Variants in LHPP observed in about 807,000 individuals in gnomAD.
LHPP encodes the protein phospholysine phosphohistidine inorganic pyrophosphate phosphatase.
LHPP carries 24 observed loss-of-function variants against 30.3 expected under a neutral mutation model. That is an observed-to-expected ratio of 0.79 (90% CI 0.57 to 1.11). The LOEUF (loss-of-function observed/expected upper bound fraction) is 1.11. LHPP is among the 50% of genes most tolerant of loss of function. The pLI is 0.00. For synonymous variants in LHPP, 150 were observed against 157.1 expected (o/e 0.95, Z 0.34); for missense variants, 356 against 367.2 (o/e 0.97, Z 0.25).
intron 6 of LHPP, among the ~76,000 whole-genome samples, chr10:124,518,224 G>C (rs534827644): frequency 3.2e-4 from 49 of 152,312 alleles, no homozygotes; most frequent in African/African-American, 1.0e-3. Flanking sequence ...ACCCTCCCAG[G>C]CTTCCCCCGA....
chr10:124,506,286 C>G (rs534665411), intron 5 of LHPP, among the ~76,000 whole-genome samples: 106 of 130,682 alleles, frequency 8.1e-4, no homozygotes, highest in Non-Finnish European at 1.1e-3. Context: ...CCCGCGGTTT[C>G]TCAACCTCGA....
intron 6 of LHPP, among the ~76,000 whole-genome samples, chr10:124,539,922 A>T (rs1955140004): frequency 6.6e-6 from 1 of 152,214 alleles, no homozygotes; most frequent in African/African-American, 2.4e-5. Context: ...AATAGACATA[A>T]TAAGAGTACC....
In LHPP at chr10:124,498,054, G is replaced by A. The variant is rs767342267; in HGVS notation, c.550G>A (p.Ala184Thr). 1.2e-6 allele frequency: 2 copies of A among 1,614,128 alleles called. No individual in the cohort carries two copies. The highest frequency in any genetic ancestry group is 1.7e-6 in the Non-Finnish European group (2 of 1,179,978). ...TTCCCAGTATGCCTGTGGCATCAAAGCCGAGGTGGTGGGGAAGCCTTCTCC... is the reference window on the plus strand; with the variant it reads ...TTCCCAGTATGCCTGTGGCATCAAAACCGAGGTGGTGGGGAAGCCTTCTCC... ...KALEYACGIK[A>T]EVVGKPSPEF... Residue 184 changes from alanine (A) to threonine (T), a missense_variant, in exon 5 of 7, where the codon GCC becomes ACC. Ala to Thr is a moderately conservative substitution (Grantham distance 58). Coordinates refer to ENST00000368842, the MANE Select transcript of LHPP (RefSeq NM_022126.4).
chr10:124,563,737 C>T (rs1419478891), intron 6 of LHPP, among the ~76,000 whole-genome samples: 1 of 152,104 alleles, frequency 6.6e-6, no homozygotes, highest in African/African-American at 2.4e-5. Context: ...AACAATTGAA[C>T]AAGAAAAAGA....
chr10:124,581,881 A>G lies in LHPP; in HGVS notation c.717-31383A>G, dbSNP rs1196146445. Among the ~76,000 whole-genome samples the G allele has an allele frequency of 2.0e-5, 3 of 152,096 alleles. No homozygotes were observed. In the East Asian group the frequency reaches 5.8e-4, roughly 29 times the overall value. Reference sequence around the variant, plus strand: ...ACTGCAAGCTCCGCCTCCTGGGTTCATGCCATTCTCCTGCCTCAGCCTCCC... The same window carrying G: ...ACTGCAAGCTCCGCCTCCTGGGTTCGTGCCATTCTCCTGCCTCAGCCTCCC... On this transcript the variant is annotated intron_variant, in intron 6 of 6. Coordinates refer to ENST00000368842, the MANE Select transcript of LHPP (RefSeq NM_022126.4).
chr10:124,461,825 C>G lies in LHPP; in HGVS notation c.-38C>G, dbSNP rs774800977. On this transcript the variant is annotated 5_prime_UTR_variant, in exon 1 of 7. Coordinates refer to ENST00000368842, the MANE Select transcript of LHPP (RefSeq NM_022126.4). ...GCGGCCGCGGCGCCGGCGCCGGCGT[C>G]GGTTGGGACGCGGAGCTGAGGAGCA... 4 of 1,224,122 alleles carry G rather than the reference C, an allele frequency of 3.3e-6. No homozygotes were observed. Among genetic ancestry groups the G allele is most frequent in the Non-Finnish European group, 4.1e-6 (4 of 980,344 alleles). 75.8% of individuals were successfully genotyped at this position (1,224,122 alleles called of 1,614,324 possible). A position where few individuals can be genotyped will look rare whatever the true frequency, so the allele number is the denominator to read the frequency against.
At chr10:124,588,909 CA>C in intron 6 of LHPP, among the ~76,000 whole-genome samples, 1 of 152,206 alleles carries the variant, frequency 6.6e-6, no homozygotes, top group Non-Finnish European at 1.5e-5. Context: ...GAAGGAAGGG[CA>C]AAGGTTAGGG....
rs928253873 is a variant in LHPP at position 124,510,338 on chromosome 10, C to T, written c.625-6842C>T. ...GGGGTCCTGAGCGCACTTTGGTATG[C>T]GGAGCCCACAAGCTGGCCTGGACAG... On this transcript the variant is annotated intron_variant, in intron 5 of 6. Transcript: ENST00000368842. This position sits in a 1 kb window ranked among gnomAD's most constrained non-coding sequence, Gnocchi z 4.0. Among the ~76,000 whole-genome samples the T allele has an allele frequency of 2.6e-5, 4 of 152,344 alleles. No individual in the cohort carries two copies. The highest frequency in any genetic ancestry group is 9.6e-5 in the African/African-American group (4 of 41,560).
chr10:124,518,470 G>C (rs1954519482), intron 6 of LHPP, among the ~76,000 whole-genome samples: 1 of 152,218 alleles, frequency 6.6e-6, no homozygotes, highest in Non-Finnish European at 1.5e-5. Context: ...GCGGACCTCG[G>C]GGCCCTATAG....
At chr10:124,559,051 C>T (rs773216633) in intron 6 of LHPP, among the ~76,000 whole-genome samples, 24 of 152,142 alleles carry the variant, frequency 1.6e-4, no homozygotes, top group Non-Finnish European at 3.1e-4. Flanking sequence ...ATCTGGCCCT[C>T]GGTGGTTTCT....
chr10:124,486,918 T>A (rs1387417120), intron 2 of LHPP, among the ~76,000 whole-genome samples: 1 of 152,256 alleles, frequency 6.6e-6, no homozygotes, highest in Non-Finnish European at 1.5e-5. Context: ...GAGCCAGTCC[T>A]GAAGACAGGC....
chr10:124,556,210 G>A (rs75008517), intron 6 of LHPP, among the ~76,000 whole-genome samples: 7 of 152,330 alleles, frequency 4.6e-5, no homozygotes, highest in South Asian at 2.1e-4. Flanking sequence ...CTCTGATGCC[G>A]CTGGGTGTCC....
chr10:124,515,867 AG>A (rs1227670254), intron 5 of LHPP, among the ~76,000 whole-genome samples: 1 of 152,236 alleles, frequency 6.6e-6, no homozygotes, highest in Non-Finnish European at 1.5e-5. Flanking sequence ...ATTCTTTCCC[AG>A]GCTCAGGGAG....
At chr10:124,603,142 G>A (rs994684088) in intron 6 of LHPP, among the ~76,000 whole-genome samples, 5 of 152,188 alleles carry the variant, frequency 3.3e-5, no homozygotes, top group African/African-American at 1.2e-4. Flanking sequence ...GCCTGCGGGC[G>A]GCAGCCTAGC....
At chr10:124,605,656 C>G (rs12771611) in intron 6 of LHPP, 18,854 of 152,284 alleles carry the variant, frequency 0.12, 1,580 homozygotes, top group Non-Finnish European at 0.18. Context: ...GCTGGCGAGG[C>G]GAGGGAGGTC....
chr10:124,613,591 G>A lies in LHPP; in HGVS notation c.*231G>A. ...ATGGGCAGGCATTTGTTCCCTACCT[G>A]GGTGGCCTGCTCCCCTGCCTGGGCC... On this transcript the variant is annotated 3_prime_UTR_variant, in exon 7 of 7. Transcript: ENST00000368842. The A allele has an allele frequency of 1.7e-6, 1 of 579,706 alleles. No individual in the cohort carries two copies. The highest frequency in any genetic ancestry group is 3.1e-6 in the Non-Finnish European group (1 of 322,556). The allele number at this position is 579,706 out of a possible 1,614,324, so 35.9% of individuals were successfully genotyped here. A position where few individuals can be genotyped will look rare whatever the true frequency, so the allele number is the denominator to read the frequency against.
At chr10:124,611,987 C>A (rs985172188) in intron 6 of LHPP, among the ~76,000 whole-genome samples, 1 of 152,222 alleles carries the variant, frequency 6.6e-6, no homozygotes, top group African/African-American at 2.4e-5. Context: ...CTCCCCACTT[C>A]CTGCCAAGCT....
chr10:124,492,565 G>A (rs1953566795), intron 3 of LHPP, among the ~76,000 whole-genome samples: 1 of 152,202 alleles, frequency 6.6e-6, no homozygotes, highest in Admixed American at 6.5e-5. Context: ...CATTGCGGAA[G>A]GGAATGTACT....
chr10:124,542,277 C>T (rs1207412257), intron 6 of LHPP, among the ~76,000 whole-genome samples: 2 of 152,190 alleles, frequency 1.3e-5, no homozygotes, highest in African/African-American at 4.8e-5. Context: ...AGCCACCAAG[C>T]GCCTTCACTT....
Sources: allele counts gnomAD v4.1 joint callset (sites outside exome capture counted in the v4.1 genomes callset), GRCh38; gene constraint gnomAD v4.1.1; non-coding constraint Gnocchi (gnomAD v3.1); transcripts MANE v1.5; gene names NCBI Gene and HGNC (gene_info 2026-07-23, HGNC 2026-07-21).